ST6GAL1: variants seen among roughly 807,000 people sequenced by gnomAD.
ST6GAL1 encodes the protein ST6 beta-galactoside alpha-2,6-sialyltransferase 1.
In ST6GAL1, 20 loss-of-function variants were observed where a neutral mutation model predicts 38.0. The ratio of observed to expected loss-of-function variants is 0.53; its 90% CI spans 0.37 to 0.77. The LOEUF (loss-of-function observed/expected upper bound fraction) is 0.77, where lower values mean the gene tolerates loss of function less well. ST6GAL1 is among the 30% of genes least tolerant of loss of function. The probability of loss-of-function intolerance (pLI) is 0.00; values close to 1 mark genes in which losing one functional copy is unlikely to be tolerated. For missense variants in ST6GAL1, 432 were observed against 496.4 expected, an observed-to-expected ratio of 0.87 and a Z score of 1.23; for synonymous variants, 196 against 188.2, an observed-to-expected ratio of 1.04 and a Z score of -0.34.
At chr3:187,072,993 C>T (rs1247330427) in intron 6 of ST6GAL1, 46 bp downstream of exon 6, 6 of 1,467,358 alleles carry the variant, frequency 4.1e-6, no homozygotes, top group Non-Finnish European at 5.7e-6. Context: ...TCCTGTCTGT[C>T]TACAGATTTT....
intron 5 of ST6GAL1, among the ~76,000 whole-genome samples, chr3:187,059,856 G>T (rs1718849424): frequency 6.6e-6 from 1 of 152,098 alleles, no homozygotes; most frequent in South Asian, 2.1e-4. Flanking sequence ...AAATAAATTT[G>T]CAAAAAAGAA....
At chr3:187,041,125 A>G (rs1038935331) in intron 3 of ST6GAL1, among the ~76,000 whole-genome samples, 1 of 152,118 alleles carries the variant, frequency 6.6e-6, no homozygotes, top group Non-Finnish European at 1.5e-5. Context: ...ATCTAGTTCA[A>G]ATCCAATGAA....
At chr3:187,069,509 C>G (rs1190670321) in intron 5 of ST6GAL1, among the ~76,000 whole-genome samples, 1 of 151,976 alleles carries the variant, frequency 6.6e-6, no homozygotes, top group Non-Finnish European at 1.5e-5. Context: ...CCCTTTTTCC[C>G]TCACTCTCAA....
At chr3:187,057,284 AC>A (rs1718737904) in intron 5 of ST6GAL1, among the ~76,000 whole-genome samples, 1 of 151,910 alleles carries the variant, frequency 6.6e-6, no homozygotes, top group South Asian at 2.1e-4. Flanking sequence ...GTTATTACTG[AC>A]CTTCTGAAGC....
At chr3:187,051,457 CT>C in intron 5 of ST6GAL1, 111 bp downstream of exon 5, 2 of 898,914 alleles carry the variant, frequency 2.2e-6, no homozygotes, top group South Asian at 3.0e-5. Flanking sequence ...GTCTCTTGAT[CT>C]TCCTGAGTTC....
chr3:187,045,376 A>G (rs891685830), intron 4 of ST6GAL1, among the ~76,000 whole-genome samples: 7 of 152,156 alleles, frequency 4.6e-5, no homozygotes, highest in Admixed American at 3.9e-4. Context: ...AAACCAGCCA[A>G]TGGTGGGCTC....
chr3:187,055,207 T>C (rs1222462381), intron 5 of ST6GAL1, among the ~76,000 whole-genome samples: 3 of 150,278 alleles, frequency 2.0e-5, no homozygotes, highest in Non-Finnish European at 4.4e-5. Flanking sequence ...TTATTAGTCT[T>C]GCTAGCGGTT....
chr3:186,996,942 T>G (rs1716431753), intron 2 of ST6GAL1, among the ~76,000 whole-genome samples: 1 of 151,748 alleles, frequency 6.6e-6, no homozygotes, highest in Admixed American at 6.6e-5. Context: ...CATCTCCACT[T>G]TGAGCTTGTT....
intron 2 of ST6GAL1, among the ~76,000 whole-genome samples, chr3:186,976,325 G>T (rs1311272934): frequency 6.6e-6 from 1 of 152,218 alleles, no homozygotes; most frequent in Non-Finnish European, 1.5e-5. Context: ...ATTTATAGCT[G>T]AGGATTGAGG....
chr3:186,985,093 G>T lies in ST6GAL1; in HGVS notation c.-183+21167G>T, dbSNP rs542584033. ...ATGGCTAATTTTTGTATTTTTAGTA[G>T]AGATAGGGTTTCACCTTGTTGGTCA... On this transcript the variant is annotated intron_variant, in intron 2 of 7. Transcript: ENST00000169298. Among the ~76,000 whole-genome samples, 7 of 151,760 alleles carry T rather than the reference G, an allele frequency of 4.6e-5. No homozygotes were observed. The South Asian group carries it at 1.5e-3, about 32-fold the overall frequency.
rs766265524 is a variant in ST6GAL1, at chr3:187,075,691, A to T, written c.1109A>T (p.His370Leu). The change falls in exon 8 of 8, where the codon CAC becomes CTC. Residue 370 changes from histidine (H) to leucine (L), a missense_variant. His to Leu is a moderately conservative substitution (Grantham distance 99, BLOSUM62 -3). Transcript: ENST00000169298. This position sits in a 1 kb window ranked among gnomAD's most constrained non-coding sequence, Gnocchi z 4.1. Reference protein sequence around the residue: ...FDSACTMGAYHPLLYEKNLVK... With the variant: ...FDSACTMGAYLPLLYEKNLVK... ...AGTGCCTGCACGATGGGTGCCTACC[A>T]CCCGCTGCTCTATGAGAAGAATTTG... is the stretch of plus-strand genomic sequence containing the variant. The T allele has an allele frequency of 6.2e-7, 1 of 1,614,184 alleles. No homozygotes were observed. Among genetic ancestry groups the T allele is most frequent in the East Asian group, 2.2e-5 (1 of 44,890 alleles).
intron 1 of ST6GAL1, 104 bp from the exon 2 acceptor site, chr3:186,963,681 C>G (rs568720604): frequency 3.3e-5 from 5 of 152,260 alleles, no homozygotes; most frequent in Non-Finnish European, 7.3e-5. Context: ...CTGGCTGCCC[C>G]GGAGCTGGCA....
At position 187,074,730 on chromosome 3, in the gene ST6GAL1, G is replaced by A. The variant is rs145989304; in HGVS notation, c.979+397G>A. Reference sequence around the variant, plus strand: ...TGGAGGGAAGGGAAGCTATGAACAGGGGAGGGAGGTGGGAAAATGAGGAGC... The same window carrying A: ...TGGAGGGAAGGGAAGCTATGAACAGAGGAGGGAGGTGGGAAAATGAGGAGC... On this transcript the variant is annotated intron_variant, in intron 7 of 7. Coordinates refer to ENST00000169298, the MANE Select transcript of ST6GAL1 (RefSeq NM_173216.2). Among the ~76,000 whole-genome samples, 225 of 152,140 alleles carry A rather than the reference G, an allele frequency of 1.5e-3. 1 individual carries two copies. Among genetic ancestry groups the A allele is most frequent in the African/African-American group, 5.2e-3 (214 of 41,502 alleles).
intron 5 of ST6GAL1, 144 bp from the exon 6 acceptor site, chr3:187,072,705 C>G (rs773333248): frequency 4.0e-6 from 3 of 754,270 alleles, no homozygotes; most frequent in African/African-American, 1.7e-5. Flanking sequence ...TTTCTTTCAC[C>G]GAAGTTAAGT....
chr3:187,076,833 C>G lies in ST6GAL1; in HGVS notation c.*1030C>G. 1 of 399,090 alleles carries G rather than the reference C, an allele frequency of 2.5e-6. No homozygotes were observed. Among genetic ancestry groups the G allele is most frequent in the South Asian group, 1.3e-4 (1 of 7,862 alleles). 24.7% of individuals were successfully genotyped at this position (399,090 alleles called of 1,614,324 possible). ...TGAGGTAGCAAGTGCAGCCTCACGA[C>G]AGATACCAGGCAATCCAGAGCCACA... On this transcript the variant is annotated 3_prime_UTR_variant, in exon 8 of 8. Coordinates refer to ENST00000169298, the MANE Select transcript of ST6GAL1 (RefSeq NM_173216.2).
intron 2 of ST6GAL1, among the ~76,000 whole-genome samples, chr3:186,997,615 G>A (rs1716461431): frequency 1.3e-5 from 2 of 151,768 alleles, no homozygotes; most frequent in Admixed American, 6.6e-5. Flanking sequence ...AAAATAGCCA[G>A]GTGTGGTAGC....
intron 4 of ST6GAL1, among the ~76,000 whole-genome samples, chr3:187,049,326 C>T (rs1434063964): frequency 6.6e-6 from 1 of 152,208 alleles, no homozygotes; most frequent in Non-Finnish European, 1.5e-5. Flanking sequence ...CCATGTTTCG[C>T]CTTGCAGAGT....
rs548161282 is a variant in ST6GAL1, at chr3:187,023,701, C to T, written c.-182-15041C>T. ...ATTGAACAGTGAGAACACATGGACA[C>T]AGGAAGGGGAACATCACACACCGGG... On this transcript the variant is annotated intron_variant, in intron 2 of 7. Transcript: ENST00000169298. Among the ~76,000 whole-genome samples the T allele has an allele frequency of 2.6e-5, 4 of 151,960 alleles. No homozygotes were observed. The South Asian group carries it at 6.3e-4, about 24-fold the overall frequency.
chr3:187,076,167 A>G lies in ST6GAL1; in HGVS notation c.*364A>G, dbSNP rs1381939818. 2 of 232,782 alleles carry G rather than the reference A, an allele frequency of 8.6e-6. No individual in the cohort carries two copies. The highest frequency in any genetic ancestry group is 1.7e-5 in the Non-Finnish European group (2 of 118,346). 14.4% of individuals were successfully genotyped at this position (232,782 alleles called of 1,614,324 possible). A position where few individuals can be genotyped will look rare whatever the true frequency, so the allele number is the denominator to read the frequency against. ...AGAATGATGCCATTCTCACAAACCA[A>G]TGCTCTATATTGCTTGAAGTCTGCA... On this transcript the variant is annotated 3_prime_UTR_variant, in exon 8 of 8. Coordinates refer to ENST00000169298, the MANE Select transcript of ST6GAL1 (RefSeq NM_173216.2).
Sources: allele counts gnomAD v4.1 joint callset (sites outside exome capture counted in the v4.1 genomes callset), GRCh38; gene constraint gnomAD v4.1.1; non-coding constraint Gnocchi (gnomAD v3.1); transcripts MANE v1.5; gene names NCBI Gene and HGNC (gene_info 2026-07-23, HGNC 2026-07-21).